TANGO6: variants seen among roughly 807,000 people sequenced by gnomAD.
TANGO6 encodes the protein transport and golgi organization 6 homolog, also known as transport and Golgi organization protein 6 homolog.
In TANGO6, 90 loss-of-function variants were observed where a neutral mutation model predicts 114.2. The observed-to-expected ratio is 0.79, with a 90% CI of 0.66 to 0.94. The LOEUF (loss-of-function observed/expected upper bound fraction) is 0.94. Ranked by LOEUF, TANGO6 falls within the 40% of genes least tolerant of loss-of-function variation. The pLI is 0.00. For synonymous variants in TANGO6, 477 were observed against 509.8 expected, an observed-to-expected ratio of 0.94 and a Z score of 0.87; for missense variants, 1,274 against 1,315.3, an observed-to-expected ratio of 0.97 and a Z score of 0.49.
At chr16:69,047,832 G>A (rs1379898870) in intron 17 of TANGO6, among the ~76,000 whole-genome samples, 2 of 152,012 alleles carry the variant, frequency 1.3e-5, no homozygotes, top group Non-Finnish European at 2.9e-5. Flanking sequence ...TAAAATGGCA[G>A]CATTTTATAT....
intron 16 of TANGO6, chr16:69,033,710 GA>G (rs1481977754): frequency 6.6e-6 from 1 of 152,268 alleles, no homozygotes; most frequent in Non-Finnish European, 1.5e-5. Context: ...ACCCTAAATG[GA>G]AAACTGCCAT....
At position 68,982,550 on chromosome 16, in the gene TANGO6, G is replaced by A. The variant is rs111791499; in HGVS notation, c.2842+8382G>A. On this transcript the variant is annotated intron_variant, in intron 15 of 17. Transcript: ENST00000261778. ...TCACCATGTTGGCCAGGCTGGTCTCGAACTCCTCACATCAGATGATCTACC... is the reference window on the plus strand; with the variant it reads ...TCACCATGTTGGCCAGGCTGGTCTCAAACTCCTCACATCAGATGATCTACC... Among the ~76,000 whole-genome samples the A allele has an allele frequency of 9.6e-3, 1,448 of 151,026 alleles. 8 individuals carry two copies. The highest frequency in any genetic ancestry group is 0.014 in the Non-Finnish European group (943 of 67,934).
chr16:68,988,103 C>T (rs1244328617), intron 15 of TANGO6, among the ~76,000 whole-genome samples: 1 of 152,168 alleles, frequency 6.6e-6, no homozygotes, highest in African/African-American at 2.4e-5. Context: ...TGGTCTCCTC[C>T]AGAGTAAAAT....
At chr16:68,984,583 C>G (rs1331013401) in intron 15 of TANGO6, among the ~76,000 whole-genome samples, 2 of 151,754 alleles carry the variant, frequency 1.3e-5, no homozygotes, top group Non-Finnish European at 2.9e-5. Context: ...TGCAGTGGTG[C>G]CATCACTGGC....
intron 14 of TANGO6, among the ~76,000 whole-genome samples, chr16:68,969,156 C>T (rs1963679176): frequency 1.3e-5 from 2 of 152,134 alleles, no homozygotes; most frequent in Admixed American, 1.3e-4. Context: ...AGAGGTCTCT[C>T]TCACACAATC....
chr16:69,009,230 C>T (rs1285236533), intron 15 of TANGO6, among the ~76,000 whole-genome samples: 5 of 151,380 alleles, frequency 3.3e-5, no homozygotes, highest in African/African-American at 9.7e-5. Flanking sequence ...TACAGGCACA[C>T]GCCACCATGC....
intron 17 of TANGO6, among the ~76,000 whole-genome samples, chr16:69,041,638 G>A (rs1408524182): frequency 2.0e-5 from 3 of 152,088 alleles, no homozygotes; most frequent in African/African-American, 7.2e-5. Context: ...CCTCACTAGC[G>A]AGGCCATTGG....
chr16:69,050,850 C>T (rs1435610778), intron 17 of TANGO6, among the ~76,000 whole-genome samples: 1 of 151,960 alleles, frequency 6.6e-6, no homozygotes, highest in Non-Finnish European at 1.5e-5. Flanking sequence ...GTCTCAAACT[C>T]GTGGGCTCAA....
At chr16:68,920,835 C>T (rs988339550) in intron 12 of TANGO6, among the ~76,000 whole-genome samples, 5 of 151,846 alleles carry the variant, frequency 3.3e-5, no homozygotes, top group Admixed American at 1.3e-4. Flanking sequence ...GTTTCTAGAG[C>T]CATAGTATAC....
intron 2 of TANGO6, among the ~76,000 whole-genome samples, chr16:68,862,337 C>T (rs1291919813): frequency 1.3e-5 from 2 of 152,188 alleles, no homozygotes; most frequent in Non-Finnish European, 2.9e-5. Flanking sequence ...GCTGGGATTA[C>T]AGGCACACAC....
intron 7 of TANGO6, among the ~76,000 whole-genome samples, chr16:68,897,521 T>C (rs2152179702): frequency 6.6e-6 from 1 of 152,222 alleles, no homozygotes; most frequent in Admixed American, 6.5e-5. Flanking sequence ...AAGTAGTACT[T>C]GTTCATTATA....
intron 15 of TANGO6, among the ~76,000 whole-genome samples, chr16:69,015,326 G>A (rs534011108): frequency 1.3e-5 from 2 of 152,190 alleles, no homozygotes; most frequent in African/African-American, 4.8e-5. Flanking sequence ...TGGAAAACAA[G>A]GTAGCAAGTG....
intron 1 of TANGO6, among the ~76,000 whole-genome samples, chr16:68,857,998 A>G (rs1466148538): frequency 6.6e-6 from 1 of 151,854 alleles, no homozygotes; most frequent in Non-Finnish European, 1.5e-5. Context: ...GGTAACCTTG[A>G]TGTTATTTCT....
chr16:69,076,028 G>A (rs1165461217), intron 17 of TANGO6, among the ~76,000 whole-genome samples: 1 of 147,350 alleles, frequency 6.8e-6, no homozygotes, highest in African/African-American at 2.5e-5. Context: ...CTCCCAAAGT[G>A]TTGGGATTAC....
chr16:68,938,857 T>C (rs900862412), intron 14 of TANGO6, among the ~76,000 whole-genome samples: 82 of 151,752 alleles, frequency 5.4e-4, no homozygotes, highest in Admixed American at 1.8e-3. Flanking sequence ...TCTCGAAGGA[T>C]TGGGTTAACA....
At chr16:68,922,939 G>GGTTTT (rs1555523768) in intron 12 of TANGO6, among the ~76,000 whole-genome samples, 2 of 79,050 alleles carry the variant, frequency 2.5e-5, no homozygotes, top group African/African-American at 1.1e-4. Flanking sequence ...CTTAGGTCAT[G>GGTTTT]TTTTTTTTTT....
At chr16:69,042,092 T>C (rs932241880) in intron 17 of TANGO6, among the ~76,000 whole-genome samples, 1 of 152,192 alleles carries the variant, frequency 6.6e-6, no homozygotes, top group African/African-American at 2.4e-5. Flanking sequence ...TGTCAAACAA[T>C]TGTTTCTAGC....
intron 14 of TANGO6, among the ~76,000 whole-genome samples, chr16:68,972,185 C>T (rs1963713053): frequency 6.6e-6 from 1 of 151,854 alleles, no homozygotes; most frequent in African/African-American, 2.4e-5. Context: ...TGCAGAGGTG[C>T]AGGCTTAGGA....
intron 15 of TANGO6, among the ~76,000 whole-genome samples, chr16:69,016,761 G>T (rs1959307780): frequency 6.6e-6 from 1 of 152,108 alleles, no homozygotes; most frequent in Non-Finnish European, 1.5e-5. Flanking sequence ...CTGGGTTAAA[G>T]CTATTCTTCT....
Sources: allele counts gnomAD v4.1 joint callset (sites outside exome capture counted in the v4.1 genomes callset), GRCh38; gene constraint gnomAD v4.1.1; transcripts MANE v1.5; gene names NCBI Gene and HGNC (gene_info 2026-07-23, HGNC 2026-07-21).